The following FBXL20 variants were observed in gnomAD, a reference collection of about 807,000 sequenced individuals.
FBXL20 encodes F-box and leucine rich repeat protein 20.
In FBXL20, 11 loss-of-function variants were observed where a neutral mutation model predicts 64.0. That is an observed-to-expected ratio of 0.17 (90% confidence interval 0.11 to 0.28). The LOEUF is 0.28. FBXL20 is among the 10% of genes least tolerant of loss of function. The pLI is 1.00. For synonymous variants in FBXL20, 184 were observed against 189.0 expected (o/e 0.97, Z 0.22); for missense variants, 303 against 526.2 (o/e 0.58, Z 4.15).
chr17:39,297,288 G>T, intron 5 of FBXL20, 93 bp from the exon 6 acceptor site: 1 of 722,362 alleles, frequency 1.4e-6, no homozygotes, highest in South Asian at 1.9e-5. Context: ...TGGTAATATT[G>T]ATTGTTGATA....
chr17:39,317,701 G>GTTTTTTTTTTTTTTTTTTT, intron 2 of FBXL20, among the ~76,000 whole-genome samples: 1 of 44,282 alleles, frequency 2.3e-5, no homozygotes, highest in Non-Finnish European at 4.5e-5. Context: ...TTTTTTTTTT[G>GTTTTTTTTTTTTTTTTTTT]TTTTTTTTTT....
At chr17:39,361,540 G>A (rs1459585054) in intron 1 of FBXL20, among the ~76,000 whole-genome samples, 2 of 152,200 alleles carry the variant, frequency 1.3e-5, no homozygotes, top group African/African-American at 4.8e-5. Context: ...GCTTATGCCT[G>A]TAATCCCAGC....
At position 39,255,142 on chromosome 17, in the gene FBXL20, A is replaced by G. The variant is rs1422503417; in HGVS notation, c.*6318T>C. 6.6e-6 allele frequency: 1 copy of G among 152,306 alleles called. No homozygotes were observed. The highest frequency in any genetic ancestry group is 2.4e-5 in the African/African-American group (1 of 41,470). 9.4% of individuals were successfully genotyped at this position (152,306 alleles called of 1,614,324 possible). On this transcript the variant is annotated 3_prime_UTR_variant, in exon 15 of 15. Coordinates refer to ENST00000264658, the MANE Select transcript of FBXL20 (RefSeq NM_032875.3). ...GACACTGAATTGATGCGTCTAAAAA[A>G]AATAGATACAACGGGCCGGGCGCGG...
At chr17:39,393,416 T>C (rs1357610571) in intron 1 of FBXL20, among the ~76,000 whole-genome samples, 1 of 152,170 alleles carries the variant, frequency 6.6e-6, no homozygotes, top group East Asian at 1.9e-4. Context: ...ACCACAGTGG[T>C]TACTACATTT....
At chr17:39,321,184 T>G (rs1182539251) in intron 2 of FBXL20, among the ~76,000 whole-genome samples, 2 of 152,102 alleles carry the variant, frequency 1.3e-5, no homozygotes, top group Admixed American at 1.3e-4. Flanking sequence ...CCAGGAACGG[T>G]GGCTCACGCT....
At chr17:39,266,441 A>G (rs2046793399) in intron 12 of FBXL20, among the ~76,000 whole-genome samples, 1 of 152,110 alleles carries the variant, frequency 6.6e-6, no homozygotes. Flanking sequence ...GCAGATCTCA[A>G]ACTCCCGACC....
At chr17:39,360,931 G>A (rs2047788079) in intron 1 of FBXL20, among the ~76,000 whole-genome samples, 1 of 152,230 alleles carries the variant, frequency 6.6e-6, no homozygotes, top group African/African-American at 2.4e-5. Context: ...ATTAATACAT[G>A]ACATGGGTCA....
intron 2 of FBXL20, among the ~76,000 whole-genome samples, chr17:39,314,800 T>C (rs1308063691): frequency 1.3e-5 from 2 of 148,834 alleles, no homozygotes; most frequent in Middle Eastern, 3.4e-3. Flanking sequence ...CTTTTCTTTT[T>C]TTTTTTTTTT....
At chr17:39,301,982 T>C (rs1327152545) in intron 3 of FBXL20, among the ~76,000 whole-genome samples, 1 of 137,908 alleles carries the variant, frequency 7.3e-6, no homozygotes, top group East Asian at 2.2e-4. Flanking sequence ...ATAAGTATCA[T>C]AGCCAGAAGG....
Position 39,381,084 on chromosome 17 carries a change from C to T in FBXL20, c.42+20277G>A, listed in dbSNP as rs997189268. On this transcript the variant is annotated intron_variant, in intron 1 of 14. Coordinates refer to ENST00000264658, the MANE Select transcript of FBXL20 (RefSeq NM_032875.3). ...CTGAAGCAGGAGACTCACTTGAACC[C>T]GGGAGGCGGAAGTTGCAGTGAGCCA... 3.3e-5 allele frequency among the ~76,000 whole-genome samples: 5 copies of T among 151,786 alleles called. No individual in the cohort carries two copies. The South Asian group carries it at 6.2e-4, about 19-fold the overall frequency.
intron 10 of FBXL20, among the ~76,000 whole-genome samples, chr17:39,272,317 C>A (rs1333928865): frequency 2.0e-5 from 3 of 150,434 alleles, no homozygotes; most frequent in Admixed American, 6.7e-5. Flanking sequence ...ACCCAGGAGG[C>A]GGAGTTTGCA....
chr17:39,402,541 T>G, upstream of FBXL20: 4 of 174,932 alleles, frequency 2.3e-5, no homozygotes, highest in East Asian at 1.4e-4. Context: ...GGGGCGCGCG[T>G]CCGTGGGGGT....
chr17:39,344,429 G>A (rs2047612876), intron 1 of FBXL20, among the ~76,000 whole-genome samples: 1 of 151,702 alleles, frequency 6.6e-6, no homozygotes, highest in Non-Finnish European at 1.5e-5. Context: ...AAGAGAAGAT[G>A]ACTCCCCAAA....
intron 7 of FBXL20, 103 bp downstream of exon 7, chr17:39,285,375 T>A (rs1231168436): frequency 9.1e-6 from 6 of 657,736 alleles, no homozygotes; most frequent in African/African-American, 1.8e-5. Context: ...ATAGAATATA[T>A]CCATAAAACA....
intron 1 of FBXL20, among the ~76,000 whole-genome samples, chr17:39,349,719 G>A (rs1365290390): frequency 6.6e-6 from 1 of 151,994 alleles, no homozygotes; most frequent in African/African-American, 2.4e-5. Context: ...GGCAGATCAC[G>A]AGGTCAGGAG....
chr17:39,336,098 G>A (rs1029148783), intron 2 of FBXL20, among the ~76,000 whole-genome samples: 7 of 151,572 alleles, frequency 4.6e-5, no homozygotes, highest in Non-Finnish European at 1.0e-4. Flanking sequence ...CTAGGCAACA[G>A]AGTGAGAGCC....
intron 1 of FBXL20, among the ~76,000 whole-genome samples, chr17:39,367,098 T>C (rs1423285294): frequency 6.6e-6 from 1 of 151,696 alleles, no homozygotes; most frequent in Admixed American, 6.6e-5. Flanking sequence ...TTAGCCAGGA[T>C]GGTCTCGATC....
rs1322514438 is a variant in FBXL20, at chr17:39,285,368, G to C, written c.494+110C>G. 4.7e-6 allele frequency: 3 copies of C among 631,824 alleles called. No homozygotes were observed. In the East Asian group the frequency reaches 9.2e-5, roughly 19 times the overall value. 39.1% of individuals were successfully genotyped at this position (631,824 alleles called of 1,614,324 possible). A position where few individuals can be genotyped will look rare whatever the true frequency, so the allele number is the denominator to read the frequency against. On this transcript the variant is annotated intron_variant, in intron 7 of 14. Coordinates refer to ENST00000264658, the MANE Select transcript of FBXL20 (RefSeq NM_032875.3). The stretch of plus-strand genomic sequence containing the variant: ...AACAAATTATCTATTCTGAACTATA[G>C]AATATATCCATAAAACAGAGTTGCC...
chr17:39,279,854 C>T (rs550417472), intron 9 of FBXL20, among the ~76,000 whole-genome samples: 6 of 151,960 alleles, frequency 3.9e-5, no homozygotes, highest in South Asian at 2.1e-4. Flanking sequence ...ATCACACCAC[C>T]GCATTCCAGC....
Sources: allele counts gnomAD v4.1 joint callset (sites outside exome capture counted in the v4.1 genomes callset), GRCh38; gene constraint gnomAD v4.1.1; transcripts MANE v1.5; gene names NCBI Gene and HGNC (gene_info 2026-07-23, HGNC 2026-07-21).